Variants in NKPD1 observed in about 807,000 individuals in gnomAD.
NKPD1 encodes the protein NTPase KAP family P-loop domain containing 1, also known as NTPase KAP family P-loop domain-containing protein 1.
Under a neutral mutation model 42.2 loss-of-function variants are expected in NKPD1, and 37 were observed. The observed-to-expected ratio is 0.88, with a 90% CI of 0.67 to 1.15. NKPD1 has a LOEUF of 1.15. Among genes scored for constraint, NKPD1 ranks in the 50% most tolerant of loss-of-function variants. NKPD1 has a pLI of 0.00. For missense variants in NKPD1, 1,113 were observed against 1,174.6 expected (o/e 0.95, Z 0.77); for synonymous variants, 552 against 536.5 (o/e 1.03, Z -0.40).
Position 45,158,518 on chromosome 19 carries a change from G to T in NKPD1, c.529+145C>A. 1 of 975,248 alleles carries T rather than the reference G, an allele frequency of 1.0e-6. No individual in the cohort carries two copies. Among genetic ancestry groups the T allele is most frequent in the Non-Finnish European group, 1.2e-6 (1 of 801,980 alleles). The allele number at this position is 975,248 out of a possible 1,614,324, so 60.4% of individuals were successfully genotyped here. A position where few individuals can be genotyped will look rare whatever the true frequency, so the allele number is the denominator to read the frequency against. ...TGAGGCAGCCAGCCTGAGCCCCATGGCCAGGGACGCACCCCTCCTAGATAG... is the reference window on the plus strand; with the variant it reads ...TGAGGCAGCCAGCCTGAGCCCCATGTCCAGGGACGCACCCCTCCTAGATAG... On this transcript the variant is annotated intron_variant, in intron 3 of 4. Transcript: ENST00000686631. This position sits in a 1 kb window ranked among gnomAD's most constrained non-coding sequence, Gnocchi z 4.6.
In NKPD1 at chr19:45,155,764, C is replaced by A. The variant is rs752014333; in HGVS notation, c.661+21G>T. ...GCCCTGTTTCTCATCCTCCCCCCAA[C>A]AAACACACACAGCTCCTCACCCGTG... On this transcript the variant is annotated intron_variant, in intron 4 of 4. Transcript: ENST00000686631. The A allele has an allele frequency of 6.1e-5, 79 of 1,289,414 alleles. No homozygotes were observed. In the South Asian group the frequency reaches 8.7e-4, roughly 14 times the overall value. The allele number at this position is 1,289,414 out of a possible 1,614,324, so 79.9% of individuals were successfully genotyped here.
chr19:45,161,943 C>T (rs1201311226), upstream of NKPD1, among the ~76,000 whole-genome samples: 2 of 151,924 alleles, frequency 1.3e-5, no homozygotes, highest in African/African-American at 4.8e-5. Context: ...TGACCAAACA[C>T]TGCTCCCTAC....
rs1284518692 is a variant in NKPD1 at position 45,153,155 on chromosome 19, A to C, written c.1282T>G (p.Cys428Gly). The change falls in exon 5 of 5, where the codon TGC becomes GGC. Residue 428 changes from cysteine to glycine, a missense_variant. Physicochemically the swap from Cys to Gly is radical, Grantham distance 159. Coordinates refer to ENST00000686631, the MANE Select transcript of NKPD1 (RefSeq NM_198478.4). Reference sequence around the variant, plus strand: ...AGCTCCACCTCCTTCTTCACCTCGCACATGAAACCCAGCTGGCTGCCGAAC... The same window carrying C: ...AGCTCCACCTCCTTCTTCACCTCGCCCATGAAACCCAGCTGGCTGCCGAAC... ...EKFGSQLGFMCEVKKEVELLT... is the reference protein window; with the variant it reads ...EKFGSQLGFMGEVKKEVELLT... The C allele has an allele frequency of 9.5e-6, 15 of 1,579,678 alleles. No individual in the cohort carries two copies. Among genetic ancestry groups the C allele is most frequent in the Middle Eastern group, 1.7e-4 (1 of 6,030 alleles).
chr19:45,156,437 G>T (rs973418685), intron 3 of NKPD1, among the ~76,000 whole-genome samples: 1 of 152,166 alleles, frequency 6.6e-6, no homozygotes, highest in Non-Finnish European at 1.5e-5. Context: ...CTGAGCCCAG[G>T]GTTGGGAGAG....
rs1004761410 is a variant in NKPD1 at position 45,158,088 on chromosome 19, C to T, written c.529+575G>A. On this transcript the variant is annotated intron_variant, in intron 3 of 4. Transcript: ENST00000686631. The surrounding 1 kb of genome is among the most constrained non-coding windows in gnomAD (Gnocchi z 4.6). ...CCCCCGGCTGCAATGCAATGTGAGC[C>T]CCATGAAGACAAGAGATGTCTGTTG... 1.3e-5 allele frequency among the ~76,000 whole-genome samples: 2 copies of T among 152,168 alleles called. No homozygotes were observed. Among genetic ancestry groups the T allele is most frequent in the Non-Finnish European group, 2.9e-5 (2 of 68,040 alleles).
At position 45,153,021 on chromosome 19, in the gene NKPD1, C is replaced by T; in HGVS notation, c.1416G>A (p.Val472=). 1 of 1,583,384 alleles carries T rather than the reference C, an allele frequency of 6.3e-7. No individual in the cohort carries two copies. The highest frequency in any genetic ancestry group is 8.6e-7 in the Non-Finnish European group (1 of 1,164,036). ...DTCYPERVVG[V]LNAINTLLSD... ...ACAGCAGCGTGTTGATGGCGTTGAG[C>T]ACGCCCACCACGCGCTCCGGGTAGC... The change falls in exon 5 of 5, where the codon GTG becomes GTA. Residue 472 remains valine (V), a synonymous_variant. Transcript: ENST00000686631.
In NKPD1 at chr19:45,158,153, C is replaced by T. The variant is rs370769342; in HGVS notation, c.529+510G>A. Among the ~76,000 whole-genome samples the T allele has an allele frequency of 5.3e-5, 8 of 152,310 alleles. No individual in the cohort carries two copies. In the East Asian group the frequency reaches 5.8e-4, roughly 11 times the overall value. On this transcript the variant is annotated intron_variant, in intron 3 of 4. Transcript: ENST00000686631. This position sits in a 1 kb window ranked among gnomAD's most constrained non-coding sequence, Gnocchi z 4.6. ...TGTGCCCCTAGAACAGGGTCTGGCACGCTCAGGGTGCTGGATACCTAGTCA... is the reference window on the plus strand; with the variant it reads ...TGTGCCCCTAGAACAGGGTCTGGCATGCTCAGGGTGCTGGATACCTAGTCA...
Position 45,152,065 on chromosome 19 carries a change from G to C in NKPD1, c.2372C>G (p.Pro791Arg), listed in dbSNP as rs752661219. The change falls in exon 5 of 5, where the codon CCG (proline) becomes CGG (arginine). Residue 791 changes from proline to arginine, a missense_variant. Physicochemically the swap from Pro to Arg is moderately radical, Grantham distance 103. Around this residue, in one of 3 missense-constraint regions of NKPD1, gnomAD observed 867 missense variants for 870.1 expected, o/e 1.00. Coordinates refer to ENST00000686631, the MANE Select transcript of NKPD1 (RefSeq NM_198478.4). ...GGCTTGCCCTGAGGCACGGCCCGAC[G>C]GGGGCGCCCTGGAGGCGCTGTTGGC... ...HRANSASRAP[P>R]SGRASGQAGE... The C allele has an allele frequency of 1.9e-6, 3 of 1,607,892 alleles. No homozygotes were observed. The highest frequency in any genetic ancestry group is 1.1e-5 in the South Asian group (1 of 90,418).
In NKPD1 at chr19:45,151,754, TGGCACC is replaced by T. The variant is rs1468087528; in HGVS notation, c.*178_*183del. The T allele has an allele frequency of 1.8e-6, 1 of 560,438 alleles. No homozygotes were observed. The highest frequency in any genetic ancestry group is 3.0e-6 in the Non-Finnish European group (1 of 334,620). 34.7% of individuals were successfully genotyped at this position (560,438 alleles called of 1,614,324 possible). A position where few individuals can be genotyped will look rare whatever the true frequency, so the allele number is the denominator to read the frequency against. ...GGTCCTTCTGTGCCTGCTCTCATGC[TGGCACC>T]GGCTTGTGGCCGCACTCCTTGGAAG... On this transcript the variant is annotated 3_prime_UTR_variant, in exon 5 of 5. Coordinates refer to ENST00000686631, the MANE Select transcript of NKPD1 (RefSeq NM_198478.4).
In NKPD1 at chr19:45,152,057, G is replaced by A; in HGVS notation, c.2380C>T (p.Arg794Cys). ...NSASRAPPSG[R>C]ASGQAGEGHH... ...CCTTCGCCGGCTTGCCCTGAGGCACGGCCCGACGGGGGCGCCCTGGAGGCG... is the reference window on the plus strand; with the variant it reads ...CCTTCGCCGGCTTGCCCTGAGGCACAGCCCGACGGGGGCGCCCTGGAGGCG... The change falls in exon 5 of 5, where the codon CGT becomes TGT. Residue 794 changes from arginine (R) to cysteine (C), a missense_variant. By Grantham distance (180) the Arg-to-Cys change is radical. Coordinates refer to ENST00000686631, the MANE Select transcript of NKPD1 (RefSeq NM_198478.4). 1.2e-6 allele frequency: 2 copies of A among 1,608,182 alleles called. No homozygotes were observed. Among genetic ancestry groups the A allele is most frequent in the Non-Finnish European group, 1.7e-6 (2 of 1,177,882 alleles).
Position 45,153,766 on chromosome 19 carries a change from T to C in NKPD1, c.671A>G (p.Gln224Arg), listed in dbSNP as rs1968848641. ...GCTCTCGCGCTGCGCGGCCTCCTGC[T>C]GCATCAGCGCTGCGGGAAGGGAGCC... ...MMLDKITALMQQEAAQRESEE... is the reference protein window; with the variant it reads ...MMLDKITALMRQEAAQRESEE... The change falls in exon 5 of 5, where the codon CAG becomes CGG. Residue 224 changes from glutamine (Q) to arginine (R), a missense_variant. Around this residue, in one of 3 missense-constraint regions of NKPD1, gnomAD observed 42 missense variants for 76.7 expected, o/e 0.55. Transcript: ENST00000686631. 6.7e-7 allele frequency: 1 copy of C among 1,484,436 alleles called. No individual in the cohort carries two copies. Among genetic ancestry groups the C allele is most frequent in the Non-Finnish European group, 9.0e-7 (1 of 1,112,468 alleles). The allele number at this position is 1,484,436 out of a possible 1,614,324, so 92.0% of individuals were successfully genotyped here.
chr19:45,154,630 C>T (rs941132386), intron 4 of NKPD1, among the ~76,000 whole-genome samples: 1 of 152,170 alleles, frequency 6.6e-6, no homozygotes, highest in African/African-American at 2.4e-5. Context: ...ATTGGGCCTG[C>T]ACCAGGGCTG....
chr19:45,156,445 G>A (rs570593063), intron 3 of NKPD1, among the ~76,000 whole-genome samples: 3 of 152,300 alleles, frequency 2.0e-5, no homozygotes, highest in South Asian at 4.1e-4. Flanking sequence ...AGGGTTGGGA[G>A]AGAGATGACC....
chr19:45,161,424 A>C (rs1969003592), upstream of NKPD1, among the ~76,000 whole-genome samples: 1 of 152,144 alleles, frequency 6.6e-6, no homozygotes, highest in South Asian at 2.1e-4. Flanking sequence ...GTGCTGACCC[A>C]TTTACCTGGC....
chr19:45,152,107 G>C lies in NKPD1; in HGVS notation c.2330C>G (p.Pro777Arg), dbSNP rs772896011. 41 of 1,604,988 alleles carry C rather than the reference G, an allele frequency of 2.6e-5. No individual in the cohort carries two copies. Among genetic ancestry groups the C allele is most frequent in the Non-Finnish European group, 3.2e-5 (38 of 1,176,936 alleles). Residue 777 changes from proline to arginine, a missense_variant, in exon 5 of 5, where the codon CCC becomes CGC. Pro to Arg is a moderately radical substitution (Grantham distance 103). Coordinates refer to ENST00000686631, the MANE Select transcript of NKPD1 (RefSeq NM_198478.4). ...GCTGTTGGCCCGGTGGGCAGCGTGG[G>C]GGGTATCGCGGGTAGGGGACTTGGG... is the stretch of plus-strand genomic sequence containing the variant. Reference protein sequence around the residue: ...SPPKSPTRDTPHAAHRANSAS... With the variant: ...SPPKSPTRDTRHAAHRANSAS...
chr19:45,153,466 G>A lies in NKPD1; in HGVS notation c.971C>T (p.Ala324Val), dbSNP rs1304897081. ...GCTCTGGCAGCAGTCCTGCCTGGTGGCCGGCTTGTTGCCCAGCACCGAGTA... is the reference window on the plus strand; with the variant it reads ...GCTCTGGCAGCAGTCCTGCCTGGTGACCGGCTTGTTGCCCAGCACCGAGTA... ...SVYSVLGNKP[A>V]TRQDCCQSEW... Residue 324 changes from alanine (A) to valine (V), a missense_variant, in exon 5 of 5, where the codon GCC becomes GTC. Ala to Val is a moderately conservative substitution (Grantham distance 64). Transcript: ENST00000686631. The A allele has an allele frequency of 2.6e-6, 4 of 1,550,544 alleles. No individual in the cohort carries two copies. The East Asian group carries it at 7.2e-5, about 28-fold the overall frequency.
intron 3 of NKPD1, among the ~76,000 whole-genome samples, chr19:45,157,521 CCTT>C (rs893109977): frequency 1.3e-4 from 20 of 151,992 alleles, no homozygotes; most frequent in Non-Finnish European, 2.8e-4. Context: ...AAGGGATCCT[CCTT>C]CTTCAGCCTC....
At position 45,152,972 on chromosome 19, in the gene NKPD1, A is replaced by T; in HGVS notation, c.1465T>A (p.Phe489Ile). 1.3e-6 allele frequency: 2 copies of T among 1,586,202 alleles called. No homozygotes were observed. Among genetic ancestry groups the T allele is most frequent in the Non-Finnish European group, 1.7e-6 (2 of 1,165,228 alleles). The change falls in exon 5 of 5, where the codon TTC becomes ATC. Residue 489 changes from phenylalanine (F) to isoleucine (I), a missense_variant. Transcript: ENST00000686631. ...LLSDSHAPFIFILVVDPSILA... is the reference protein window; with the variant it reads ...LLSDSHAPFIIILVVDPSILA... ...ATGCTGGGGTCCACGACCAGGATGA[A>T]GATGAAGGGCGCGTGGCTGTCGGAC...
In NKPD1 at chr19:45,152,932, A is replaced by G. The variant is rs1309165879; in HGVS notation, c.1505T>C (p.Leu502Pro). Residue 502 changes from leucine (L) to proline (P), a missense_variant, in exon 5 of 5, where the codon CTA (leucine) becomes CCA (proline). Physicochemically the swap from Leu to Pro is moderately conservative, Grantham distance 98. This residue lies in a region of NKPD1 where 867 missense variants were observed against 870.1 expected (regional missense o/e 1.00). Coordinates refer to ENST00000686631, the MANE Select transcript of NKPD1 (RefSeq NM_198478.4). ...VVDPSILAAC[L>P]ESAGNMKGTA... ...GCCCTTCATGTTGCCCGCGCTCTCT[A>G]GGCACGCGGCCAGGATGCTGGGGTC... 1.3e-6 allele frequency: 2 copies of G among 1,581,782 alleles called. No individual in the cohort carries two copies. The highest frequency in any genetic ancestry group is 1.7e-6 in the Non-Finnish European group (2 of 1,162,574).
Sources: allele counts gnomAD v4.1 joint callset (sites outside exome capture counted in the v4.1 genomes callset), GRCh38; gene constraint gnomAD v4.1.1; regional missense constraint gnomAD v4.1.1; non-coding constraint Gnocchi (gnomAD v3.1); transcripts MANE v1.5; gene names NCBI Gene and HGNC (gene_info 2026-07-23, HGNC 2026-07-21).